HERC1: variants seen among roughly 807,000 people sequenced by gnomAD.
The protein encoded by HERC1 is probable E3 ubiquitin-protein ligase HERC1.
In HERC1, 160 loss-of-function variants were observed where a neutral mutation model predicts 554.3. The observed-to-expected ratio is 0.29, with a 90% CI of 0.25 to 0.33. The LOEUF (loss-of-function observed/expected upper bound fraction) is 0.33, where lower values mean the gene tolerates loss of function less well. Among genes scored for constraint, HERC1 ranks in the 10% least tolerant of loss-of-function variants. The pLI is 1.00. For synonymous variants in HERC1, 2,175 were observed against 2,131.7 expected (o/e 1.02, Z -0.56); for missense variants, 4,919 against 5,918.5 (o/e 0.83, Z 5.54).
chr15:63,777,782 C>G (rs1422386950), intron 1 of HERC1, among the ~76,000 whole-genome samples: 6 of 152,108 alleles, frequency 3.9e-5, no homozygotes, highest in African/African-American at 1.2e-4. Flanking sequence ...CACATGAATT[C>G]TAGATTATAT....
chr15:63,640,000 A>C (rs1237334311), intron 61 of HERC1, among the ~76,000 whole-genome samples, 152 bp downstream of exon 61: 2 of 152,244 alleles, frequency 1.3e-5, no homozygotes, highest in Non-Finnish European at 2.9e-5. Flanking sequence ...TCAGATTGAA[A>C]GTGACTATCT....
chr15:63,824,396 T>A (rs1193572893), intron 1 of HERC1, among the ~76,000 whole-genome samples: 1 of 151,946 alleles, frequency 6.6e-6, no homozygotes, highest in African/African-American at 2.4e-5. Flanking sequence ...TAGCCGGGTG[T>A]GGTGGCAGGC....
chr15:63,813,559 A>G (rs989958084), intron 1 of HERC1, among the ~76,000 whole-genome samples: 1 of 152,156 alleles, frequency 6.6e-6, no homozygotes, highest in Non-Finnish European at 1.5e-5. Flanking sequence ...TACACTACTC[A>G]TTGTCTCCTT....
At chr15:63,747,581 T>C (rs965558497) in intron 11 of HERC1, 143 bp downstream of exon 11, 1 of 491,066 alleles carries the variant, frequency 2.0e-6, no homozygotes, top group African/African-American at 2.0e-5. Context: ...AGCTCTTTTC[T>C]AGATTATAAA....
intron 1 of HERC1, among the ~76,000 whole-genome samples, chr15:63,827,956 T>C (rs1175186955): frequency 6.6e-6 from 1 of 152,174 alleles, no homozygotes; most frequent in African/African-American, 2.4e-5. Flanking sequence ...AGACAGAAAG[T>C]AGACTGGGAA....
intron 12 of HERC1, among the ~76,000 whole-genome samples, chr15:63,737,143 AAGAAAC>A (rs2074541411): frequency 6.6e-6 from 1 of 151,778 alleles, no homozygotes; most frequent in South Asian, 2.1e-4. Context: ...AAGATGATAA[AAGAAAC>A]AGAAAATCTC....
At chr15:63,623,696 A>T in intron 73 of HERC1, 29 bp downstream of exon 73, 1 of 1,608,340 alleles carries the variant, frequency 6.2e-7, no homozygotes, top group Non-Finnish European at 8.5e-7. Context: ...AGACTAGATA[A>T]CTCAGCAGGG....
rs1004077497 is a variant in HERC1 at position 63,725,168 on chromosome 15, T to C, written c.3568+124A>G. The C allele has an allele frequency of 5.0e-6, 4 of 794,124 alleles. No homozygotes were observed. In the African/African-American group the frequency reaches 5.2e-5, roughly 10 times the overall value. The allele number at this position is 794,124 out of a possible 1,614,324, so 49.2% of individuals were successfully genotyped here. A position where few individuals can be genotyped will look rare whatever the true frequency, so the allele number is the denominator to read the frequency against. On this transcript the variant is annotated intron_variant, in intron 18 of 77. Coordinates refer to ENST00000443617, the MANE Select transcript of HERC1 (RefSeq NM_003922.4). The stretch of plus-strand genomic sequence containing the variant: ...AGGGCTCCAAGTCATAGCCCCAGAT[T>C]CCCTACACTGCTAATGTTGCAATTG...
chr15:63,803,519 C>T (rs2077051697), intron 1 of HERC1, among the ~76,000 whole-genome samples: 1 of 152,142 alleles, frequency 6.6e-6, no homozygotes, highest in Non-Finnish European at 1.5e-5. Flanking sequence ...AACTGCTGGG[C>T]TCAAGCTATC....
Position 63,680,219 on chromosome 15 carries a change from A to G in HERC1, c.6466-59T>C, listed in dbSNP as rs1595957648. ...GAAATAGAAATTTTTTTAATTCACAATATCTAACCACATTAGAATTGAAAG... is the reference window on the plus strand; with the variant it reads ...GAAATAGAAATTTTTTTAATTCACAGTATCTAACCACATTAGAATTGAAAG... On this transcript the variant is annotated intron_variant, in intron 35 of 77. Transcript: ENST00000443617. This position sits in a 1 kb window ranked among gnomAD's most constrained non-coding sequence, Gnocchi z 5.8. 21 of 1,250,336 alleles carry G rather than the reference A, an allele frequency of 1.7e-5. No individual in the cohort carries two copies. Among genetic ancestry groups the G allele is most frequent in the Admixed American group, 1.5e-4 (8 of 53,356 alleles). 77.5% of individuals were successfully genotyped at this position (1,250,336 alleles called of 1,614,324 possible).
intron 1 of HERC1, among the ~76,000 whole-genome samples, chr15:63,826,728 C>T (rs1390278278): frequency 7.2e-6 from 1 of 138,880 alleles, no homozygotes; most frequent in African/African-American, 2.7e-5. Context: ...GCATTAAGCA[C>T]TCATCCACAA....
At chr15:63,766,981 A>G (rs1382479589) in intron 2 of HERC1, among the ~76,000 whole-genome samples, 6 of 150,276 alleles carry the variant, frequency 4.0e-5, no homozygotes, top group African/African-American at 1.5e-4. Flanking sequence ...CCCAGCCTAC[A>G]CTAAAGTTTT....
At chr15:63,622,559 CTGATATCAGG>C (rs2068127321) in intron 74 of HERC1, among the ~76,000 whole-genome samples, 1 of 151,994 alleles carries the variant, frequency 6.6e-6, no homozygotes. Context: ...TCTTAAACTC[CTGATATCAGG>C]TGATCCACCC....
At chr15:63,632,571 T>C (rs1223138777) in intron 68 of HERC1, 138 bp downstream of exon 68, 3 of 701,508 alleles carry the variant, frequency 4.3e-6, no homozygotes, top group Non-Finnish European at 7.8e-6. Flanking sequence ...GAAAATTATC[T>C]ATACTGAAAG....
chr15:63,744,808 GA>G (rs1198363495), intron 12 of HERC1, among the ~76,000 whole-genome samples: 2 of 152,130 alleles, frequency 1.3e-5, no homozygotes, highest in African/African-American at 4.8e-5. Context: ...TCAAGTCCTG[GA>G]ATCAGGGATC....
At chr15:63,738,092 A>G (rs960195313) in intron 12 of HERC1, among the ~76,000 whole-genome samples, 1 of 152,222 alleles carries the variant, frequency 6.6e-6, no homozygotes, top group African/African-American at 2.4e-5. Flanking sequence ...TGTCAGTAAT[A>G]AGATATATGG....
chr15:63,801,479 A>T (rs2076985823), intron 1 of HERC1, among the ~76,000 whole-genome samples: 1 of 152,182 alleles, frequency 6.6e-6, no homozygotes, highest in African/African-American at 2.4e-5. Context: ...AAAAACTCAC[A>T]CACTTGTTGT....
At chr15:63,701,039 T>C (rs1264594197) in intron 25 of HERC1, among the ~76,000 whole-genome samples, 1 of 151,958 alleles carries the variant, frequency 6.6e-6, no homozygotes, top group Non-Finnish European at 1.5e-5. Flanking sequence ...GGTGTTTTTT[T>C]TTAAATATTA....
chr15:63,801,478 C>T (rs1181835375), intron 1 of HERC1, among the ~76,000 whole-genome samples: 2 of 152,202 alleles, frequency 1.3e-5, no homozygotes, highest in African/African-American at 4.8e-5. Flanking sequence ...AAAAAACTCA[C>T]ACACTTGTTG....
Sources: gnomAD v4.1 joint callset for allele counts (sites outside exome capture counted in the v4.1 genomes callset) on GRCh38, gnomAD v4.1.1 for gene constraint, Gnocchi (gnomAD v3.1) non-coding constraint, MANE v1.5 for transcripts, NCBI Gene and HGNC (gene_info 2026-07-23, HGNC 2026-07-21) for gene names.